The following METTL3 variants were observed in gnomAD, a reference collection of about 807,000 sequenced individuals.
METTL3 encodes the protein N(6)-adenosine-methyltransferase catalytic subunit METTL3.
Under a neutral mutation model 64.3 loss-of-function variants are expected in METTL3, and 42 were observed. That is an observed-to-expected ratio of 0.65 (90% confidence interval 0.51 to 0.84). The LOEUF is 0.84. Ranked by LOEUF, METTL3 falls within the 40% of genes least tolerant of loss-of-function variation. The pLI, the probability that METTL3 is intolerant of heterozygous loss-of-function variation, is 0.00. For missense variants in METTL3, 435 were observed against 722.3 expected (o/e 0.60, Z 4.56); for synonymous variants, 256 against 263.6 (o/e 0.97, Z 0.28).
chr14:21,498,480 C>T (rs1228097827), intron 10 of METTL3, 111 bp from the exon 11 acceptor site: 1 of 988,058 alleles, frequency 1.0e-6, no homozygotes, highest in Non-Finnish European at 1.5e-6. Context: ...TCAAATATGC[C>T]AATTCTAAAA....
intron 1 of METTL3, 111 bp downstream of exon 1, chr14:21,511,013 G>C: frequency 2.4e-6 from 3 of 1,270,102 alleles, no homozygotes; most frequent in Non-Finnish European, 3.2e-6. Flanking sequence ...AATGTACGAG[G>C]CTTTATAGAA....
At chr14:21,502,631 C>T (rs1891595734) in intron 3 of METTL3, 1 of 155,132 alleles carries the variant, frequency 6.4e-6, no homozygotes, top group Non-Finnish European at 1.4e-5. Context: ...AAGACTAAGG[C>T]TCAAGAGAAG....
chr14:21,506,386 T>C (rs1005671169), intron 1 of METTL3, among the ~76,000 whole-genome samples: 7 of 151,930 alleles, frequency 4.6e-5, no homozygotes, highest in African/African-American at 1.7e-4. Flanking sequence ...ACCCCGTCTC[T>C]ACTAAAAATA....
intron 5 of METTL3, 81 bp downstream of exon 5, chr14:21,500,832 G>T: frequency 6.9e-7 from 1 of 1,454,424 alleles, no homozygotes; most frequent in Non-Finnish European, 9.4e-7. Context: ...GCTGAATTAT[G>T]CTCTGCTTTC....
chr14:21,511,112 C>A lies in METTL3; in HGVS notation c.100+12G>T, dbSNP rs1363737314. The A allele has an allele frequency of 4.3e-6, 7 of 1,613,518 alleles. No individual in the cohort carries two copies. The highest frequency in any genetic ancestry group is 5.9e-6 in the Non-Finnish European group (7 of 1,179,818). On this transcript the variant is annotated intron_variant, in intron 1 of 10. Transcript: ENST00000298717. The stretch of plus-strand genomic sequence containing the variant: ...CCGGTTGAGCCTCGGCCCCAACAGC[C>A]CAGTGCCTCACCCAAGTGCCCCGAG...
intron 1 of METTL3, chr14:21,507,960 C>T (rs1025750325): frequency 1.3e-5 from 2 of 152,074 alleles, no homozygotes; most frequent in African/African-American, 4.8e-5. Context: ...CCCAAAAATA[C>T]TTTTATAAGA....
At chr14:21,501,535 G>A (rs1369742317) in intron 4 of METTL3, 193 bp downstream of exon 4, 1 of 693,984 alleles carries the variant, frequency 1.4e-6, no homozygotes, top group Non-Finnish European at 2.3e-6. Flanking sequence ...AAAAATCTCA[G>A]TTATTTGGGA....
At chr14:21,510,865 G>A (rs1459087789) in intron 1 of METTL3, 4 of 470,392 alleles carry the variant, frequency 8.5e-6, no homozygotes, top group South Asian at 2.4e-5. Flanking sequence ...AAGAGGAGTG[G>A]GCAAGGCGGA....
chr14:21,503,981 C>A (rs907808410), intron 1 of METTL3, 100 bp from the exon 2 acceptor site: 2 of 1,104,676 alleles, frequency 1.8e-6, no homozygotes, highest in South Asian at 3.1e-5. Flanking sequence ...ACAGATCTTT[C>A]ATTTTGTGCA....
chr14:21,511,075 C>A, intron 1 of METTL3, 49 bp downstream of exon 1: 2 of 1,597,602 alleles, frequency 1.3e-6, no homozygotes, highest in Non-Finnish European at 8.5e-7. Context: ...CTAGGGATCC[C>A]GCCCGTCCTC....
rs1391959091 is a variant in METTL3 at position 21,501,453 on chromosome 14, G to A, written c.899+275C>T. 1.4e-5 allele frequency: 8 copies of A among 558,196 alleles called. No homozygotes were observed. In the African/African-American group the frequency reaches 1.5e-4, roughly 11 times the overall value. The allele number at this position is 558,196 out of a possible 1,614,324, so 34.6% of individuals were successfully genotyped here. On this transcript the variant is annotated intron_variant, in intron 4 of 10. Transcript: ENST00000298717. ...CTCCTAAGATTATCCTCCTTTCAGA[G>A]TACTTTAACTTTCACTGTGGCTCAG...
rs768711385 is a variant in METTL3 at position 21,511,275 on chromosome 14, C to T, written c.-52G>A. On this transcript the variant is annotated 5_prime_UTR_variant, in exon 1 of 11. Transcript: ENST00000298717. ...CGAATAAGGCGCGGCGGACTAGCAC[C>T]TCCCAGCACTCGCTCCAGGATATAG... is the stretch of plus-strand genomic sequence containing the variant. 204 of 1,577,604 alleles carry T rather than the reference C, an allele frequency of 1.3e-4. No homozygotes were observed. Among genetic ancestry groups the T allele is most frequent in the Non-Finnish European group, 1.7e-4 (200 of 1,162,330 alleles).
At position 21,503,306 on chromosome 14, in the gene METTL3, C is replaced by G; in HGVS notation, c.590G>C (p.Gly197Ala). Residue 197 changes from glycine to alanine, a missense_variant, in exon 3 of 11, where the codon GGT (glycine) becomes GCT (alanine). Physicochemically the swap from Gly to Ala is moderately conservative, Grantham distance 60 (BLOSUM62 0). This residue lies in a region of METTL3 where 228 missense variants were observed against 279.6 expected (regional missense o/e 0.82). Transcript: ENST00000298717. ...TGGTTCCGATGCTGAAGAGTTCAGA[C>G]CAGAGACTAACGAACTGGCAAAGGC... Reference protein sequence around the residue: ...VAAFASSLVSGLNSSASEPAK... With the variant: ...VAAFASSLVSALNSSASEPAK... 8.1e-6 allele frequency: 13 copies of G among 1,614,150 alleles called. No homozygotes were observed. Among genetic ancestry groups the G allele is most frequent in the Non-Finnish European group, 1.1e-5 (13 of 1,180,032 alleles).
At chr14:21,501,984 C>A in intron 3 of METTL3, 81 bp from the exon 4 acceptor site, 467 of 1,042,196 alleles carry the variant, frequency 4.5e-4, no homozygotes, top group Non-Finnish European at 5.8e-4. Context: ...TTCTTTTTGA[C>A]ATTAATGTCT....
chr14:21,499,692 C>T (rs576831643), intron 7 of METTL3, 72 bp downstream of exon 7: 1 of 1,580,752 alleles, frequency 6.3e-7, no homozygotes, highest in South Asian at 1.1e-5. Flanking sequence ...ACAGAATAGT[C>T]TGGGAGAAGA....
At chr14:21,510,526 G>A (rs1453747466) in intron 1 of METTL3, 1 of 152,148 alleles carries the variant, frequency 6.6e-6, no homozygotes, top group African/African-American at 2.4e-5. Context: ...ATCGTGACAC[G>A]GGGGCAACAG....
At chr14:21,507,951 C>T (rs1016653689) in intron 1 of METTL3, 3 of 152,018 alleles carry the variant, frequency 2.0e-5, no homozygotes, top group African/African-American at 7.2e-5. Context: ...AATTACAACC[C>T]CAAAAATACT....
chr14:21,509,449 G>A (rs1441354162), intron 1 of METTL3: 1 of 151,958 alleles, frequency 6.6e-6, no homozygotes, highest in African/African-American at 2.4e-5. Context: ...AGACTCCACA[G>A]GAAAATTAAA....
At chr14:21,505,050 C>CCCAG (rs1216193259) in intron 1 of METTL3, 1 of 152,140 alleles carries the variant, frequency 6.6e-6, no homozygotes, top group Non-Finnish European at 1.5e-5. Flanking sequence ...TCTCTGTAAT[C>CCCAG]CCAGCACTGT....
Sources: allele counts gnomAD v4.1 joint callset (sites outside exome capture counted in the v4.1 genomes callset), GRCh38; gene constraint gnomAD v4.1.1; regional missense constraint gnomAD v4.1.1; transcripts MANE v1.5; gene names NCBI Gene and HGNC (gene_info 2026-07-23, HGNC 2026-07-21).